The following CALN1 variants were observed in gnomAD, a reference collection of about 807,000 sequenced individuals.
CALN1 encodes calcium-binding protein 8.
In CALN1, 17 loss-of-function variants were observed where a neutral mutation model predicts 30.6. The observed-to-expected ratio is 0.56, with a 90% CI of 0.38 to 0.83. The LOEUF (loss-of-function observed/expected upper bound fraction) is 0.83. Among genes scored for constraint, CALN1 ranks in the 40% least tolerant of loss-of-function variants. The pLI is 0.00. For missense variants in CALN1, 291 were observed against 354.9 expected, an observed-to-expected ratio of 0.82 and a Z score of 1.45; for synonymous variants, 156 against 131.4, an observed-to-expected ratio of 1.19 and a Z score of -1.28.
chr7:72,499,774 T>TTCCTTCCTTCCTTCCTTCC, the CALN1 span, among the ~76,000 whole-genome samples: 3 of 118,740 alleles, frequency 2.5e-5, no homozygotes, highest in African/African-American at 6.9e-5. Flanking sequence ...ACTTTCTTTC[T>TTCCTTCCTTCCTTCCTTCC]TTCCTTCCTT....
At chr7:72,438,980 C>T (rs1209229676) in intron 1 of CALN1, among the ~76,000 whole-genome samples, 1 of 152,218 alleles carries the variant, frequency 6.6e-6, no homozygotes, top group Non-Finnish European at 1.5e-5. Flanking sequence ...ACCTCAAACC[C>T]TGTGGGGGTT....
At chr7:72,050,607 G>C (rs1024791383) in intron 4 of CALN1, among the ~76,000 whole-genome samples, 4 of 152,156 alleles carry the variant, frequency 2.6e-5, no homozygotes, top group Admixed American at 2.0e-4. Flanking sequence ...ATGCAAGATA[G>C]TATCTTTTAA....
At chr7:72,412,341 C>T (rs910751172), upstream of CALN1, 4 of 152,148 alleles carry the variant, frequency 2.6e-5, no homozygotes, top group Admixed American at 2.6e-4. Context: ...CGAGCTTCCC[C>T]AGCGGGCTCG....
At chr7:72,168,667 A>C (rs767893690) in intron 3 of CALN1, among the ~76,000 whole-genome samples, 1 of 152,104 alleles carries the variant, frequency 6.6e-6, no homozygotes, top group African/African-American at 2.4e-5. Context: ...AATTCAGTCT[A>C]TTATCATAAT....
intron 3 of CALN1, among the ~76,000 whole-genome samples, chr7:72,224,811 G>A (rs187930153): frequency 1.2e-4 from 18 of 149,006 alleles, no homozygotes; most frequent in Admixed American, 6.0e-4. Context: ...GGATAAGGCC[G>A]GGCACGGTGG....
chr7:72,443,641 C>G (rs1054997495), intron 1 of CALN1, among the ~76,000 whole-genome samples: 1 of 151,806 alleles, frequency 6.6e-6, no homozygotes, highest in Non-Finnish European at 1.5e-5. Flanking sequence ...AAGCCTTTCC[C>G]AAGGCCAAGA....
intron 5 of CALN1, among the ~76,000 whole-genome samples, chr7:71,935,886 C>T (rs1477528756): frequency 6.6e-6 from 1 of 152,210 alleles, no homozygotes; most frequent in Non-Finnish European, 1.5e-5. Flanking sequence ...CTACAGGTTA[C>T]ATGTACCTTC....
At chr7:71,878,415 A>G (rs190965283) in intron 5 of CALN1, among the ~76,000 whole-genome samples, 3 of 151,686 alleles carry the variant, frequency 2.0e-5, no homozygotes, top group Admixed American at 6.6e-5. Flanking sequence ...AAAAAAAAAA[A>G]GTATAATGTG....
In CALN1 at chr7:71,787,912, G is replaced by T. The variant is rs1172668486; in HGVS notation, c.659-10C>A. On this transcript the variant is annotated splice_polypyrimidine_tract_variant and intron_variant, in intron 6 of 6. Coordinates refer to ENST00000395275, the MANE Select transcript of CALN1 (RefSeq NM_031468.4). The stretch of plus-strand genomic sequence containing the variant: ...TGCTTCTGGGAATGCACTGGTGGTG[G>T]GAGAAGCAGGTGTGGGAAGAAGGAA... The T allele has an allele frequency of 6.2e-7, 1 of 1,614,000 alleles. No homozygotes were observed. The highest frequency in any genetic ancestry group is 8.5e-7 in the Non-Finnish European group (1 of 1,179,978).
At position 71,828,718 on chromosome 7, in the gene CALN1, A is replaced by ATGTGTGTGTGTG. The variant is rs146892125; in HGVS notation, c.502-18238_502-18227dup. On this transcript the variant is annotated intron_variant, in intron 5 of 6. Transcript: ENST00000395275. The stretch of plus-strand genomic sequence containing the variant: ...TACATATATACATATATATATGTAT[A>ATGTGTGTGTGTG]TGTGTGTGTGTGTGTGTGTGTGTAA... 2.5e-3 allele frequency among the ~76,000 whole-genome samples: 361 copies of ATGTGTGTGTGTG among 144,342 alleles called. 3 individuals are homozygous for ATGTGTGTGTGTG. Among genetic ancestry groups the ATGTGTGTGTGTG allele is most frequent in the African/African-American group, 8.9e-3 (347 of 39,106 alleles). The allele number at this position is 144,342 out of a possible 152,430, so 94.7% of individuals were successfully genotyped here. A position where few individuals can be genotyped will look rare whatever the true frequency, so the allele number is the denominator to read the frequency against.
intron 3 of CALN1, among the ~76,000 whole-genome samples, chr7:72,175,847 G>A (rs1562691678): frequency 6.6e-6 from 1 of 152,224 alleles, no homozygotes; most frequent in East Asian, 1.9e-4. Flanking sequence ...AGAGGAAGAG[G>A]GAAAGTCTCT....
At chr7:72,353,318 A>G (rs745436015) in intron 2 of CALN1, among the ~76,000 whole-genome samples, 1 of 152,204 alleles carries the variant, frequency 6.6e-6, no homozygotes, top group African/African-American at 2.4e-5. Flanking sequence ...AAATGCAAAA[A>G]AAGCCTTAAC....
At chr7:72,310,925 A>T (rs13312143) in intron 2 of CALN1, among the ~76,000 whole-genome samples, 20 of 149,144 alleles carry the variant, frequency 1.3e-4, no homozygotes, top group Non-Finnish European at 1.9e-4. Flanking sequence ...AAAAAAAAAA[A>T]AAACAAAAAT....
chr7:72,415,732 C>T (rs369987304), upstream of CALN1, among the ~76,000 whole-genome samples: 6 of 152,252 alleles, frequency 3.9e-5, no homozygotes, highest in African/African-American at 1.2e-4. Context: ...GAAGCCTGAG[C>T]GGTGACTAAG....
chr7:71,952,696 C>T (rs1024137648), intron 5 of CALN1, among the ~76,000 whole-genome samples: 9 of 152,040 alleles, frequency 5.9e-5, no homozygotes, highest in South Asian at 2.1e-4. Context: ...TACGGCCATA[C>T]GGACGCCCCA....
intron 3 of CALN1, among the ~76,000 whole-genome samples, chr7:72,124,067 T>C (rs1409693064): frequency 6.6e-6 from 1 of 152,156 alleles, no homozygotes; most frequent in Non-Finnish European, 1.5e-5. Flanking sequence ...TACAAGACAG[T>C]AGGCCAACTA....
At chr7:72,128,461 A>G (rs746444663) in intron 3 of CALN1, among the ~76,000 whole-genome samples, 1 of 152,246 alleles carries the variant, frequency 6.6e-6, no homozygotes, top group African/African-American at 2.4e-5. Context: ...AGTATATTAA[A>G]ACAAACTCAT....
chr7:71,789,328 A>C (rs1562778385), intron 6 of CALN1, among the ~76,000 whole-genome samples: 1 of 152,094 alleles, frequency 6.6e-6, no homozygotes, highest in East Asian at 1.9e-4. Flanking sequence ...GAGGTAGGAG[A>C]ATCGCTTGAA....
chr7:72,153,820 G>T (rs188398533), intron 3 of CALN1, among the ~76,000 whole-genome samples: 50 of 152,318 alleles, frequency 3.3e-4, no homozygotes, highest in Admixed American at 5.2e-4. Context: ...CTTGAAGGAT[G>T]CTTTGAAGCA....
Sources: allele counts gnomAD v4.1 joint callset (sites outside exome capture counted in the v4.1 genomes callset), GRCh38; gene constraint gnomAD v4.1.1; transcripts MANE v1.5; gene names NCBI Gene and HGNC (gene_info 2026-07-23, HGNC 2026-07-21).